ADCY9: variants seen among roughly 807,000 people sequenced by gnomAD.
ADCY9 encodes adenylate cyclase 9, also known as adenylate cyclase type 9.
In ADCY9, 50 loss-of-function variants were observed where a neutral mutation model predicts 101.5. The ratio of observed to expected loss-of-function variants is 0.49; its 90% CI spans 0.39 to 0.62. The LOEUF (loss-of-function observed/expected upper bound fraction) is 0.62. ADCY9 is among the 20% of genes least tolerant of loss of function. The probability of loss-of-function intolerance (pLI) is 0.00; values close to 1 mark genes in which losing one functional copy is unlikely to be tolerated. For missense variants in ADCY9, 1,662 were observed against 1,800.4 expected, an observed-to-expected ratio of 0.92 and a Z score of 1.39; for synonymous variants, 905 against 769.3, an observed-to-expected ratio of 1.18 and a Z score of -2.92.
Position 4,115,605 on chromosome 16 carries a change from G to A in ADCY9, c.-44+85C>T. 2.4e-6 allele frequency: 2 copies of A among 817,586 alleles called. No homozygotes were observed. Among genetic ancestry groups the A allele is most frequent in the Non-Finnish European group, 3.7e-6 (2 of 540,984 alleles). 50.6% of individuals were successfully genotyped at this position (817,586 alleles called of 1,614,324 possible). A position where few individuals can be genotyped will look rare whatever the true frequency, so the allele number is the denominator to read the frequency against. On this transcript the variant is annotated intron_variant, in intron 1 of 10. Coordinates refer to ENST00000294016, the MANE Select transcript of ADCY9 (RefSeq NM_001116.4). The surrounding 1 kb of genome is among the most constrained non-coding windows in gnomAD (Gnocchi z 6.2). ...CACGCGACCTGGACAGGCACCATCT[G>A]TTCCTGTGGTTCCCGGCTCAGCGGT...
intron 3 of ADCY9, among the ~76,000 whole-genome samples, chr16:3,998,526 T>C (rs574233185): frequency 4.2e-4 from 63 of 151,262 alleles, no homozygotes; most frequent in African/African-American, 1.4e-3. Flanking sequence ...CTGGCCAAGA[T>C]GGTGAAAGCC....
At chr16:4,065,340 A>G (rs977758832) in intron 2 of ADCY9, among the ~76,000 whole-genome samples, 7 of 152,232 alleles carry the variant, frequency 4.6e-5, no homozygotes, top group Admixed American at 3.9e-4. Context: ...CGAAAGGGAA[A>G]GTAAGCCCTG....
chr16:4,046,922 A>T (rs1295914436), intron 2 of ADCY9, among the ~76,000 whole-genome samples: 1 of 152,118 alleles, frequency 6.6e-6, no homozygotes, highest in Non-Finnish European at 1.5e-5. Flanking sequence ...AGGTAGGAGG[A>T]CTGACTGAGC....
At chr16:4,058,623 A>G (rs771095923) in intron 2 of ADCY9, among the ~76,000 whole-genome samples, 5 of 152,164 alleles carry the variant, frequency 3.3e-5, no homozygotes, top group Non-Finnish European at 5.9e-5. Context: ...GAAGTGACTG[A>G]TCCACTACTT....
At chr16:4,076,571 G>C (rs2056868546) in intron 2 of ADCY9, among the ~76,000 whole-genome samples, 1 of 152,202 alleles carries the variant, frequency 6.6e-6, no homozygotes, top group Non-Finnish European at 1.5e-5. Context: ...CCAGCACAAA[G>C]TGAGGCTGGG....
At position 4,019,236 on chromosome 16, in the gene ADCY9, C is replaced by T. The variant is rs2056459129; in HGVS notation, c.1694-11678G>A. On this transcript the variant is annotated intron_variant, in intron 2 of 10. Transcript: ENST00000294016. ...GCCTGAAGTGATCCTCCGGCCTCAG[C>T]CTGCCAAAGTGCTGGAATTACAGGC... Among the ~76,000 whole-genome samples the T allele has an allele frequency of 2.0e-5, 3 of 152,134 alleles. No homozygotes were observed. In the South Asian group the frequency reaches 6.2e-4, roughly 32 times the overall value.
Position 3,989,048 on chromosome 16 carries a change from C to G in ADCY9, c.2256G>C (p.Leu752=), listed in dbSNP as rs757888196. The change falls in exon 6 of 11, where the codon CTG becomes CTC. Residue 752 remains leucine, a synonymous_variant. Transcript: ENST00000294016. Reference sequence around the variant, plus strand: ...GCTCCAGCTCCTGATCCAGGAAGTTCAGGCTGAACTGATTAATGGGCGGCT... The same window carrying G: ...GCTCCAGCTCCTGATCCAGGAAGTTGAGGCTGAACTGATTAATGGGCGGCT... ...FFKPPINQFS[L]NFLDQELERS... The G allele has an allele frequency of 1.2e-6, 2 of 1,614,148 alleles. No individual in the cohort carries two copies. Among genetic ancestry groups the G allele is most frequent in the Non-Finnish European group, 1.7e-6 (2 of 1,180,002 alleles).
At chr16:3,978,912 T>TC (rs1416218253) in intron 8 of ADCY9, among the ~76,000 whole-genome samples, 1 of 152,114 alleles carries the variant, frequency 6.6e-6, no homozygotes, top group Non-Finnish European at 1.5e-5. Flanking sequence ...AGACGGGGTT[T>TC]CACCATGTTG....
At chr16:4,071,811 G>GT (rs1468900371) in intron 2 of ADCY9, among the ~76,000 whole-genome samples, 149 of 145,638 alleles carry the variant, frequency 1.0e-3, no homozygotes, top group African/African-American at 3.7e-3. Context: ...ACGAATTCTG[G>GT]GTTTTTTTGT....
chr16:3,995,443 TAAATG>T (rs1394229050), intron 3 of ADCY9, among the ~76,000 whole-genome samples: 1 of 151,822 alleles, frequency 6.6e-6, no homozygotes, highest in East Asian at 1.9e-4. Flanking sequence ...AAATAATAAT[TAAATG>T]AAATAAGTAT....
At chr16:4,038,327 G>C (rs1234529503) in intron 2 of ADCY9, among the ~76,000 whole-genome samples, 2 of 151,146 alleles carry the variant, frequency 1.3e-5, no homozygotes, top group East Asian at 3.9e-4. Flanking sequence ...TAAGGAAGAA[G>C]TCATGAGTGC....
intron 10 of ADCY9, among the ~76,000 whole-genome samples, chr16:3,969,158 G>C (rs370105642): frequency 6.6e-6 from 1 of 151,966 alleles, no homozygotes; most frequent in Non-Finnish European, 1.5e-5. Context: ...TGCTTTCAGC[G>C]GGGCTGTCTC....
chr16:4,105,405 C>A (rs889551450), intron 2 of ADCY9, among the ~76,000 whole-genome samples: 1 of 151,818 alleles, frequency 6.6e-6, no homozygotes, highest in Non-Finnish European at 1.5e-5. Context: ...GGCATGGTGG[C>A]TCACACCTAT....
intron 10 of ADCY9, among the ~76,000 whole-genome samples, chr16:3,969,749 G>A (rs994873578): frequency 1.3e-5 from 2 of 149,962 alleles, no homozygotes; most frequent in South Asian, 2.1e-4. Context: ...AGATTAGCTG[G>A]GACTACAGGC....
chr16:4,115,455 CG>C lies in ADCY9; in HGVS notation c.-14del. On this transcript the variant is annotated 5_prime_UTR_variant, in exon 2 of 11. Transcript: ENST00000294016. The surrounding 1 kb of genome is among the most constrained non-coding windows in gnomAD (Gnocchi z 6.2). Reference sequence around the variant, plus strand: ...GTGGGGAAGCCATGTTGTCGAGTCCCGGGGCCTGCCCCGGCCGGGGTCACCA... The same window carrying C: ...GTGGGGAAGCCATGTTGTCGAGTCCCGGGCCTGCCCCGGCCGGGGTCACCA... 6.6e-7 allele frequency: 1 copy of C among 1,525,236 alleles called. No homozygotes were observed. 94.5% of individuals were successfully genotyped at this position (1,525,236 alleles called of 1,614,324 possible).
Position 3,992,317 on chromosome 16 carries a change from G to A in ADCY9, c.2036C>T (p.Pro679Leu). 1 of 1,614,176 alleles carries A rather than the reference G, an allele frequency of 6.2e-7. No individual in the cohort carries two copies. Among genetic ancestry groups the A allele is most frequent in the Non-Finnish European group, 8.5e-7 (1 of 1,180,036 alleles). Residue 679 changes from proline (P) to leucine (L), a missense_variant, in exon 5 of 11, where the codon CCT becomes CTT. Transcript: ENST00000294016. This position sits in a 1 kb window ranked among gnomAD's most constrained non-coding sequence, Gnocchi z 4.2. ...GTTGGTGAGCTTCTCCTCTTGGGGA[G>A]GGCTGAGGAGCCCGTTCTGAGTTTT... ...NPKTQNGLLS[P>L]PQEEKLTNSQ... is the part of the protein sequence containing the mutation.
intron 2 of ADCY9, among the ~76,000 whole-genome samples, chr16:4,054,417 G>A (rs189243806): frequency 6.6e-6 from 1 of 151,988 alleles, no homozygotes; most frequent in African/African-American, 2.4e-5. Flanking sequence ...CCAAGACTTC[G>A]CAGGGCTCGG....
intron 2 of ADCY9, among the ~76,000 whole-genome samples, chr16:4,097,471 TATATATATATATATATAC>T (rs1242189973): frequency 1.2e-5 from 1 of 81,778 alleles, no homozygotes; most frequent in African/African-American, 4.5e-5. Context: ...TATATATATA[TATATATATATATATATAC>T]ACACACACAC....
intron 2 of ADCY9, among the ~76,000 whole-genome samples, chr16:4,021,730 G>A (rs1380364680): frequency 6.6e-6 from 1 of 152,146 alleles, no homozygotes; most frequent in Non-Finnish European, 1.5e-5. Context: ...CCTTATTGCC[G>A]ACATCCATTC....
Sources: allele counts gnomAD v4.1 joint callset (sites outside exome capture counted in the v4.1 genomes callset), GRCh38; gene constraint gnomAD v4.1.1; non-coding constraint Gnocchi (gnomAD v3.1); transcripts MANE v1.5; gene names NCBI Gene and HGNC (gene_info 2026-07-23, HGNC 2026-07-21).